Variants in RCAN3 observed in about 807,000 individuals in gnomAD.
RCAN3 encodes the protein regulator of calcineurin 3.
A neutral mutation model predicts 21.9 loss-of-function variants in RCAN3; 19 were observed. The ratio of observed to expected loss-of-function variants is 0.87; its 90% CI spans 0.61 to 1.27. The LOEUF is 1.27. RCAN3 is among the 50% of genes most tolerant of loss of function. The pLI is 0.00. For missense variants in RCAN3, 240 were observed against 300.1 expected (o/e 0.80, Z 1.48); for synonymous variants, 114 against 112.3 (o/e 1.01, Z -0.09).
In RCAN3 at chr1:24,539,236, A is replaced by G. The variant is rs1329012149; in HGVS notation, c.*3959A>G. 1 of 133,118 alleles carries G rather than the reference A, an allele frequency of 7.5e-6. No individual in the cohort carries two copies. The highest frequency in any genetic ancestry group is 7.1e-5 in the Admixed American group (1 of 14,106). The allele number at this position is 133,118 out of a possible 1,614,324, so 8.2% of individuals were successfully genotyped here. A position where few individuals can be genotyped will look rare whatever the true frequency, so the allele number is the denominator to read the frequency against. On this transcript the variant is annotated 3_prime_UTR_variant, in exon 5 of 5. Coordinates refer to ENST00000374395, the MANE Select transcript of RCAN3 (RefSeq NM_013441.4). ...AATGAATACTAATTCCTGGCATCAG[A>G]AAAAAAAAAAGGCATGAGGTGGGAG... is the stretch of plus-strand genomic sequence containing the variant.
At chr1:24,520,871 A>T (rs1445600916) in intron 2 of RCAN3, among the ~76,000 whole-genome samples, 1 of 152,148 alleles carries the variant, frequency 6.6e-6, no homozygotes, top group African/African-American at 2.4e-5. Flanking sequence ...AAATTAAAAG[A>T]TGTCAGTACT....
chr1:24,518,950 AT>A (rs533669228), intron 2 of RCAN3, among the ~76,000 whole-genome samples: 2 of 151,736 alleles, frequency 1.3e-5, no homozygotes, highest in South Asian at 4.2e-4. Context: ...ATTTTTTTGT[AT>A]TTTTAGTAAA....
chr1:24,518,861 C>T (rs1313461850), intron 2 of RCAN3, among the ~76,000 whole-genome samples: 1 of 152,100 alleles, frequency 6.6e-6, no homozygotes, highest in Non-Finnish European at 1.5e-5. Context: ...GCAACCTCTG[C>T]CTCCCGGGTT....
At chr1:24,505,379 A>C (rs1302861139) in intron 1 of RCAN3, among the ~76,000 whole-genome samples, 1 of 151,304 alleles carries the variant, frequency 6.6e-6, no homozygotes, top group Non-Finnish European at 1.5e-5. Context: ...AGCTGGGACT[A>C]CAGGCGTGCA....
At chr1:24,515,448 G>A (rs1240282334) in intron 2 of RCAN3, among the ~76,000 whole-genome samples, 1 of 151,500 alleles carries the variant, frequency 6.6e-6, no homozygotes, top group Admixed American at 6.6e-5. Flanking sequence ...GTGTGTGTGT[G>A]TGTGTGTGTG....
chr1:24,531,167 CT>C (rs374808456), intron 2 of RCAN3, 50 bp from the exon 3 acceptor site: 75,358 of 870,884 alleles, frequency 0.087, no homozygotes, highest in South Asian at 0.1. Flanking sequence ...AAAGGTTTTT[CT>C]TTTTTTTTTT....
chr1:24,516,760 A>T (rs1320697152), intron 2 of RCAN3, among the ~76,000 whole-genome samples: 8 of 152,204 alleles, frequency 5.3e-5, no homozygotes, highest in Non-Finnish European at 1.2e-4. Context: ...AGGGCAGAGC[A>T]GGGAGCCAGG....
intron 2 of RCAN3, among the ~76,000 whole-genome samples, chr1:24,515,461 T>C (rs1350068391): frequency 1.3e-5 from 2 of 150,394 alleles, no homozygotes; most frequent in African/African-American, 4.9e-5. Flanking sequence ...TGTGTGTGTG[T>C]GTGCTTTGTT....
In RCAN3 at chr1:24,533,078, T is replaced by C; in HGVS notation, c.370-5T>C. 6.9e-7 allele frequency: 1 copy of C among 1,440,892 alleles called. No individual in the cohort carries two copies. The highest frequency in any genetic ancestry group is 9.1e-7 in the Non-Finnish European group (1 of 1,094,490). 89.3% of individuals were successfully genotyped at this position (1,440,892 alleles called of 1,614,324 possible). On this transcript the variant is annotated splice_polypyrimidine_tract_variant and splice_region_variant and intron_variant, in intron 3 of 4. Transcript: ENST00000374395. ...AACTGGCTTTGAGCGTCTCGCTCCC[T>C]GCAGGTGCAGATGTCCGGCGAAGTG...
intron 2 of RCAN3, among the ~76,000 whole-genome samples, chr1:24,517,320 T>C (rs924076674): frequency 2.6e-5 from 4 of 152,178 alleles, no homozygotes; most frequent in African/African-American, 9.7e-5. Context: ...TTTCACCACA[T>C]TGGCCAGGCT....
In RCAN3 at chr1:24,540,154, A is replaced by G. The variant is rs1650425434; in HGVS notation, c.*4877A>G. 6.6e-6 allele frequency: 1 copy of G among 152,228 alleles called. No individual in the cohort carries two copies. Among genetic ancestry groups the G allele is most frequent in the African/African-American group, 2.4e-5 (1 of 41,458 alleles). 9.4% of individuals were successfully genotyped at this position (152,228 alleles called of 1,614,324 possible). The stretch of plus-strand genomic sequence containing the variant: ...TTGGAGACTGTTTTCTTATTACCAA[A>G]TGTACAATCCATAAGACAACTGAAA... On this transcript the variant is annotated 3_prime_UTR_variant, in exon 5 of 5. Transcript: ENST00000374395.
chr1:24,522,568 C>T (rs1460660099), intron 2 of RCAN3, among the ~76,000 whole-genome samples: 1 of 152,198 alleles, frequency 6.6e-6, no homozygotes, highest in Non-Finnish European at 1.5e-5. Context: ...GAAAACGCGA[C>T]CTGGAGGGAC....
intron 2 of RCAN3, among the ~76,000 whole-genome samples, chr1:24,519,215 GTTTTTTTTTT>G (rs60599694): frequency 6.1e-4 from 83 of 136,750 alleles, no homozygotes; most frequent in Non-Finnish European, 1.2e-3. Flanking sequence ...CTGGCCTGAT[GTTTTTTTTTT>G]TTTTTTTTAA....
At chr1:24,520,161 C>G (rs1046418977) in intron 2 of RCAN3, among the ~76,000 whole-genome samples, 8 of 152,194 alleles carry the variant, frequency 5.3e-5, no homozygotes, top group Non-Finnish European at 1.0e-4. Context: ...GGAAGAATAT[C>G]TCTGTTATAG....
chr1:24,508,039 A>C (rs1647576851), intron 1 of RCAN3, among the ~76,000 whole-genome samples: 1 of 152,202 alleles, frequency 6.6e-6, no homozygotes, highest in Non-Finnish European at 1.5e-5. Context: ...AGATTGCGCC[A>C]GTGAGCCGAG....
Position 24,531,388 on chromosome 1 carries a change from A to C in RCAN3, c.366A>C (p.Ala122=). The C allele has an allele frequency of 6.2e-7, 1 of 1,607,990 alleles. No homozygotes were observed. Among genetic ancestry groups the C allele is most frequent in the Non-Finnish European group, 8.5e-7 (1 of 1,177,200 alleles). Residue 122 remains alanine (A), a synonymous_variant, in exon 3 of 5, where the codon GCA becomes GCC. Transcript: ENST00000374395. The part of the protein sequence containing the change: ...FNGQKLKLYF[A]QVQMSGEVRD... ...GGCAGAAGCTAAAGCTATATTTTGC[A>C]CAGGTACTTCACCGTGCAGAGAACA...
chr1:24,503,673 T>G (rs196395), intron 1 of RCAN3, among the ~76,000 whole-genome samples: 92,339 of 152,178 alleles, frequency 0.61, 30,548 homozygotes, highest in African/African-American at 0.89. Flanking sequence ...AGGTTGATTC[T>G]TCTAGCTTCC....
intron 2 of RCAN3, among the ~76,000 whole-genome samples, chr1:24,524,945 T>C (rs138148765): frequency 4.1e-4 from 62 of 150,040 alleles, no homozygotes; most frequent in African/African-American, 1.4e-3. Flanking sequence ...TTCTCGTGCA[T>C]CAGTCTCCCG....
At chr1:24,503,196 G>C (rs1318152211) in intron 1 of RCAN3, 46 bp downstream of exon 1, 1 of 143,748 alleles carries the variant, frequency 7.0e-6, no homozygotes, top group Non-Finnish European at 1.5e-5. Context: ...GGGTGGGGGG[G>C]GTGGTGCATG....
Sources: allele counts gnomAD v4.1 joint callset (sites outside exome capture counted in the v4.1 genomes callset), GRCh38; gene constraint gnomAD v4.1.1; transcripts MANE v1.5; gene names NCBI Gene and HGNC (gene_info 2026-07-23, HGNC 2026-07-21).